RREB1: variants seen among roughly 807,000 people sequenced by gnomAD.
RREB1 encodes the protein ras-responsive element-binding protein 1.
Under a neutral mutation model 117.8 loss-of-function variants are expected in RREB1, and 27 were observed. The ratio of observed to expected loss-of-function variants is 0.23; its 90% CI spans 0.17 to 0.32. The LOEUF is 0.32. RREB1 is among the 10% of genes least tolerant of loss of function. The probability of loss-of-function intolerance (pLI) is 1.00; values close to 1 mark genes in which losing one functional copy is unlikely to be tolerated. For missense variants in RREB1, 2,577 were observed against 2,378.2 expected (o/e 1.08, Z -1.74); for synonymous variants, 1,298 against 1,026.7 (o/e 1.26, Z -5.05).
chr6:7,172,913 C>T lies in RREB1; in HGVS notation c.-284-3742C>T, dbSNP rs537457934. Among the ~76,000 whole-genome samples the T allele has an allele frequency of 1.3e-4, 20 of 152,262 alleles. 1 individual carries two copies. The highest frequency in any genetic ancestry group is 1.3e-3 in the Admixed American group (20 of 15,298). ...AACATTTAGCCTGGTTTGATTCTGT[C>T]CCCAGCCTAGCCAAGACTCAGCCCA... On this transcript the variant is annotated intron_variant, in intron 1 of 12. Coordinates refer to ENST00000379938, the MANE Select transcript of RREB1 (RefSeq NM_001003699.4).
At chr6:7,138,574 C>T (rs1018482378) in intron 1 of RREB1, among the ~76,000 whole-genome samples, 2 of 152,176 alleles carry the variant, frequency 1.3e-5, no homozygotes, top group Admixed American at 6.5e-5. Context: ...TTATCCAAAG[C>T]TCTTATAGAT....
At position 7,240,420 on chromosome 6, in the gene RREB1, T is replaced by TA. The variant is rs1561804951; in HGVS notation, c.3809-18_3809-17insA. On this transcript the variant is annotated splice_polypyrimidine_tract_variant and intron_variant, in intron 10 of 12. Coordinates refer to ENST00000379938, the MANE Select transcript of RREB1 (RefSeq NM_001003699.4). Reference sequence around the variant, plus strand: ...CAGTAGAAAGCCAGATAAATATATATTTTTTTTCCTGCTTCAGGTCAGAAA... The same window carrying TA: ...CAGTAGAAAGCCAGATAAATATATATATTTTTTTCCTGCTTCAGGTCAGAAA... The TA allele has an allele frequency of 1.9e-6, 3 of 1,575,244 alleles. No individual in the cohort carries two copies. Among genetic ancestry groups the TA allele is most frequent in the Non-Finnish European group, 2.6e-6 (3 of 1,154,756 alleles).
At chr6:7,202,645 C>G (rs373415510) in intron 6 of RREB1, among the ~76,000 whole-genome samples, 54 of 152,234 alleles carry the variant, frequency 3.5e-4, no homozygotes, top group African/African-American at 1.2e-3. Flanking sequence ...GAGAGGCCAG[C>G]CATGAGTGTG....
intron 1 of RREB1, among the ~76,000 whole-genome samples, chr6:7,144,778 G>A (rs941165120): frequency 6.6e-6 from 1 of 152,146 alleles, no homozygotes; most frequent in African/African-American, 2.4e-5. Flanking sequence ...TTCTGTTAAG[G>A]CAGCAGTAAA....
chr6:7,233,159 G>A (rs1402884367), intron 10 of RREB1, among the ~76,000 whole-genome samples: 2 of 152,218 alleles, frequency 1.3e-5, no homozygotes, highest in Non-Finnish European at 2.9e-5. Flanking sequence ...GCCTCTCAAA[G>A]TGCTGGGATT....
intron 1 of RREB1, among the ~76,000 whole-genome samples, chr6:7,159,843 T>C (rs1561751807): frequency 6.6e-6 from 1 of 152,202 alleles, no homozygotes; most frequent in Non-Finnish European, 1.5e-5. Flanking sequence ...GCTGATCAAA[T>C]TTATGGACTA....
chr6:7,249,629 A>C lies in RREB1; in HGVS notation c.*661A>C, dbSNP rs1281837869. ...CAGGGAAGATTCTAGCTTCAGCCTC[A>C]TGTCCATTTCCAGTCTGTCAGCATT... is the stretch of plus-strand genomic sequence containing the variant. On this transcript the variant is annotated 3_prime_UTR_variant, in exon 13 of 13. Transcript: ENST00000379938. 1 of 152,190 alleles carries C rather than the reference A, an allele frequency of 6.6e-6. No individual in the cohort carries two copies. Among genetic ancestry groups the C allele is most frequent in the Admixed American group, 6.5e-5 (1 of 15,274 alleles). The allele number at this position is 152,190 out of a possible 1,614,324, so 9.4% of individuals were successfully genotyped here.
At chr6:7,118,148 T>C (rs1329419312) in intron 1 of RREB1, among the ~76,000 whole-genome samples, 1 of 152,178 alleles carries the variant, frequency 6.6e-6, no homozygotes, top group Admixed American at 6.5e-5. Context: ...TGAGACAGAG[T>C]CTTGCACTAT....
At chr6:7,228,264 G>A (rs1323445322) in intron 9 of RREB1, among the ~76,000 whole-genome samples, 1 of 151,934 alleles carries the variant, frequency 6.6e-6, no homozygotes, top group Non-Finnish European at 1.5e-5. Context: ...CACAATCATA[G>A]AGGGGTAGGG....
At chr6:7,185,499 G>A (rs1023747906) in intron 4 of RREB1, among the ~76,000 whole-genome samples, 18 of 152,118 alleles carry the variant, frequency 1.2e-4, no homozygotes, top group Admixed American at 5.9e-4. Context: ...GAACCCGGGA[G>A]GCGGAGGTTG....
chr6:7,247,460 CG>C (rs1247221213), intron 12 of RREB1, among the ~76,000 whole-genome samples: 3 of 152,108 alleles, frequency 2.0e-5, no homozygotes, highest in Non-Finnish European at 2.9e-5. Context: ...TTTTTGAGAA[CG>C]CTGTGATCCG....
intron 2 of RREB1, among the ~76,000 whole-genome samples, chr6:7,177,351 A>G (rs900826679): frequency 6.7e-6 from 1 of 150,214 alleles, no homozygotes; most frequent in African/African-American, 2.4e-5. Flanking sequence ...CACTTTGGAC[A>G]TCTCTCTCTT....
At position 7,248,947 on chromosome 6, in the gene RREB1, C is replaced by A; in HGVS notation, c.5208C>A (p.Ser1736=). 6.7e-7 allele frequency: 1 copy of A among 1,493,498 alleles called. No individual in the cohort carries two copies. The highest frequency in any genetic ancestry group is 2.5e-5 in the East Asian group (1 of 40,720). 92.5% of individuals were successfully genotyped at this position (1,493,498 alleles called of 1,614,324 possible). A position where few individuals can be genotyped will look rare whatever the true frequency, so the allele number is the denominator to read the frequency against. The change falls in exon 13 of 13, where the codon TCC becomes TCA. Residue 1736 remains serine (S), a synonymous_variant. Transcript: ENST00000379938. ...HPILATADGA[S]QLVGME ...TCCTGGCCACAGCTGATGGCGCCTC[C>A]CAGCTCGTGGGGATGGAGTGACAGC...
intron 1 of RREB1, among the ~76,000 whole-genome samples, chr6:7,159,912 G>A (rs950332512): frequency 4.6e-5 from 7 of 152,118 alleles, no homozygotes; most frequent in African/African-American, 1.7e-4. Context: ...TATGACTCTT[G>A]CACTTGTCTA....
At chr6:7,233,553 T>A (rs962718517) in intron 10 of RREB1, among the ~76,000 whole-genome samples, 22 of 152,256 alleles carry the variant, frequency 1.4e-4, no homozygotes, top group African/African-American at 4.6e-4. Flanking sequence ...TTAGTATAAG[T>A]ATTTTTATGT....
Position 7,197,501 on chromosome 6 carries a change from A to G in RREB1, c.425+8179A>G, listed in dbSNP as rs138283107. The stretch of plus-strand genomic sequence containing the variant: ...GGAGTTTGAGAACAGCCTGGCCAAC[A>G]TGGCAAAACCCCATCTCTACTAAAA... On this transcript the variant is annotated intron_variant, in intron 6 of 12. Coordinates refer to ENST00000379938, the MANE Select transcript of RREB1 (RefSeq NM_001003699.4). 8.9e-3 allele frequency among the ~76,000 whole-genome samples: 1,357 copies of G among 152,334 alleles called. 23 individuals are homozygous for G. The highest frequency in any genetic ancestry group is 0.03 in the African/African-American group (1,267 of 41,568).
chr6:7,153,803 T>C (rs550326170), intron 1 of RREB1, among the ~76,000 whole-genome samples: 1 of 152,166 alleles, frequency 6.6e-6, no homozygotes, highest in Non-Finnish European at 1.5e-5. Context: ...TGCCGTTGCT[T>C]GTTGGTGTAG....
At chr6:7,123,843 C>A (rs549499587) in intron 1 of RREB1, among the ~76,000 whole-genome samples, 4 of 151,904 alleles carry the variant, frequency 2.6e-5, no homozygotes, top group Non-Finnish European at 4.4e-5. Flanking sequence ...AATCTCCTGA[C>A]CTCGTGATCC....
rs752135597 is a variant in RREB1, at chr6:7,230,659, G to A, written c.2560G>A (p.Gly854Ser). ...RGEDSGCAAL[G>S]DCKPLTAFLE... ...GGAGGACAGTGGCTGCGCTGCCCTTGGTGACTGCAAGCCCCTCACTGCCTT... is the reference window on the plus strand; with the variant it reads ...GGAGGACAGTGGCTGCGCTGCCCTTAGTGACTGCAAGCCCCTCACTGCCTT... The change falls in exon 10 of 13, where the codon GGT becomes AGT. Residue 854 changes from glycine (G) to serine (S), a missense_variant. Coordinates refer to ENST00000379938, the MANE Select transcript of RREB1 (RefSeq NM_001003699.4). The A allele has an allele frequency of 1.3e-6, 2 of 1,598,582 alleles. No homozygotes were observed. The highest frequency in any genetic ancestry group is 2.2e-5 in the East Asian group (1 of 44,646).
Sources: gnomAD v4.1 joint callset for allele counts (sites outside exome capture counted in the v4.1 genomes callset) on GRCh38, gnomAD v4.1.1 for gene constraint, MANE v1.5 for transcripts, NCBI Gene and HGNC (gene_info 2026-07-23, HGNC 2026-07-21) for gene names.